Variants in GGN observed in about 807,000 individuals in gnomAD.
GGN encodes the protein gametogenetin.
In GGN, 27 loss-of-function variants were observed where a neutral mutation model predicts 35.5. The ratio of observed to expected loss-of-function variants is 0.76; its 90% CI spans 0.56 to 1.05. The LOEUF is 1.05. Ranked by LOEUF, GGN falls within the 50% of genes least tolerant of loss-of-function variation. The probability of loss-of-function intolerance (pLI) is 0.00; values close to 1 mark genes in which losing one functional copy is unlikely to be tolerated. For synonymous variants in GGN, 425 were observed against 444.1 expected, an observed-to-expected ratio of 0.96 and a Z score of 0.54; for missense variants, 1,006 against 940.7, an observed-to-expected ratio of 1.07 and a Z score of -0.91.
Position 38,386,051 on chromosome 19 carries a change from C to T in GGN, c.1211G>A (p.Arg404Gln). Residue 404 changes from arginine to glutamine, a missense_variant, in exon 3 of 4, where the codon CGG becomes CAG. Physicochemically the swap from Arg to Gln is conservative, Grantham distance 43. Transcript: ENST00000334928. ...PEQIHSAPGP[R>Q]RPAPALLAPP... ...CGCCAGCAGGGCAGGTGCGGGCCTC[C>T]GGGGCCCGGGAGCTGAGTGTATCTG... is the stretch of plus-strand genomic sequence containing the variant. The T allele has an allele frequency of 1.9e-6, 3 of 1,594,868 alleles. No homozygotes were observed. The highest frequency in any genetic ancestry group is 2.6e-6 in the Non-Finnish European group (3 of 1,171,696).
At chr19:38,388,281 GC>G, upstream of GGN, 2 of 369,294 alleles carry the variant, frequency 5.4e-6, no homozygotes, top group South Asian at 3.0e-4. Flanking sequence ...CCGTGGGCCC[GC>G]CCCTTCGTGA....
rs890622869 is a variant in GGN, at chr19:38,384,372, G to A, written c.*40C>T. On this transcript the variant is annotated 3_prime_UTR_variant, in exon 4 of 4. Coordinates refer to ENST00000334928, the MANE Select transcript of GGN (RefSeq NM_152657.4). ...TGGCATCTGGATTGGTTATTTTATT[G>A]GCATGGAGGGGAAGGTGGAGGGTGT... 1.4e-6 allele frequency: 2 copies of A among 1,420,390 alleles called. No individual in the cohort carries two copies. The highest frequency in any genetic ancestry group is 2.0e-6 in the Non-Finnish European group (2 of 1,005,648). The allele number at this position is 1,420,390 out of a possible 1,614,324, so 88.0% of individuals were successfully genotyped here. A position where few individuals can be genotyped will look rare whatever the true frequency, so the allele number is the denominator to read the frequency against.
At chr19:38,385,228 C>T (rs191786084) in intron 3 of GGN, among the ~76,000 whole-genome samples, 193 bp downstream of exon 3, 1 of 152,324 alleles carries the variant, frequency 6.6e-6, no homozygotes, top group Non-Finnish European at 1.5e-5. Context: ...CCAGGGTGTC[C>T]CCCTTTCCCC....
In GGN at chr19:38,385,561, G is replaced by A; in HGVS notation, c.1701C>T (p.Ser567=). Residue 567 remains serine (S), a synonymous_variant, in exon 3 of 4, where the codon AGC becomes AGT. Transcript: ENST00000334928. ...TAGCTGCCCCAGTCTGAGAGGCCCC[G>A]CTGCCACCACCCCCTCCACCACTGC... ...PDSSGGGGGG[S]GASQTGAANT... is the part of the protein sequence containing the mutation. 2 of 1,614,056 alleles carry A rather than the reference G, an allele frequency of 1.2e-6. No homozygotes were observed. The highest frequency in any genetic ancestry group is 1.7e-6 in the Non-Finnish European group (2 of 1,180,002).
At position 38,387,308 on chromosome 19, in the gene GGN, C is replaced by G; in HGVS notation, c.-19-28G>C. On this transcript the variant is annotated intron_variant, in intron 2 of 3. Transcript: ENST00000334928. This position sits in a 1 kb window ranked among gnomAD's most constrained non-coding sequence, Gnocchi z 5.3. ...AGTCAGAAAAATTTACTCCAGTCAG[C>G]CTGCCAGGGCCGTGGGGACCCTACG... is the stretch of plus-strand genomic sequence containing the variant. The G allele has an allele frequency of 6.6e-7, 1 of 1,520,192 alleles. No individual in the cohort carries two copies. The allele number at this position is 1,520,192 out of a possible 1,614,324, so 94.2% of individuals were successfully genotyped here.
At chr19:38,388,296 A>G, upstream of GGN, 3 of 377,034 alleles carry the variant, frequency 8.0e-6, no homozygotes, top group Non-Finnish European at 1.4e-5. Context: ...TTCGTGACGC[A>G]CGCACTAGTC....
chr19:38,387,619 T>G lies in GGN; in HGVS notation c.-20+142A>C. ...TCTAGAGCACCTGGGTCCCGCCCTC[T>G]TCCCAGGCAGGGGCAGATCCTCAGG... On this transcript the variant is annotated intron_variant, in intron 2 of 3. Transcript: ENST00000334928. This position sits in a 1 kb window ranked among gnomAD's most constrained non-coding sequence, Gnocchi z 5.3. The G allele has an allele frequency of 1.2e-5, 3 of 256,494 alleles. No homozygotes were observed. The highest frequency in any genetic ancestry group is 8.5e-5 in the East Asian group (1 of 11,704). 15.9% of individuals were successfully genotyped at this position (256,494 alleles called of 1,614,324 possible).
Position 38,386,817 on chromosome 19 carries a change from G to A in GGN, c.445C>T (p.Arg149Trp), listed in dbSNP as rs769429696. Residue 149 changes from arginine (R) to tryptophan (W), a missense_variant, in exon 3 of 4, where the codon CGG (arginine) becomes TGG (tryptophan). Physicochemically the swap from Arg to Trp is moderately radical, Grantham distance 101. Coordinates refer to ENST00000334928, the MANE Select transcript of GGN (RefSeq NM_152657.4). ...LRPLKPPPPP[R>W]QLSVKDTVPR... The stretch of plus-strand genomic sequence containing the variant: ...ACAGTGTCCTTCACGGATAGTTGCC[G>A]GGGCGGCGGCGGCGGCTTCAGCGGG... The A allele has an allele frequency of 3.1e-6, 5 of 1,608,910 alleles. No homozygotes were observed. The East Asian group carries it at 9.0e-5, about 29-fold the overall frequency.
chr19:38,388,169 GCCCCTAAGGCAATTTACC>G (rs1233677468), upstream of GGN: 1 of 168,404 alleles, frequency 5.9e-6, no homozygotes, highest in Admixed American at 6.6e-5. Flanking sequence ...CATCTGCCCC[GCCCCTAAGGCAATTTACC>G]TCTAAGCTCC....
rs1421805881 is a variant in GGN at position 38,386,794 on chromosome 19, AGT to A, written c.466_467del (p.Thr156CysfsTer24). 1 of 1,610,756 alleles carries A rather than the reference AGT, an allele frequency of 6.2e-7. No homozygotes were observed. The highest frequency in any genetic ancestry group is 1.7e-5 in the Admixed American group (1 of 59,758). The stretch of plus-strand genomic sequence containing the variant: ...GAAATTGGGATGGGGCCCTCGGGAC[AGT>A]GTCCTTCACGGATAGTTGCCGGGGC... ...PPPRQLSVKD[T>X]VPRAPSQFPP... On this transcript the variant is annotated frameshift_variant, in exon 3 of 4. Coordinates refer to ENST00000334928, the MANE Select transcript of GGN (RefSeq NM_152657.4). LOFTEE classifies it high-confidence loss of function.
At position 38,385,913 on chromosome 19, in the gene GGN, TGCAGTGTGGGCG is replaced by T; in HGVS notation, c.1337_1348del (p.Pro446_Leu449del). On this transcript the variant is annotated inframe_deletion, in exon 3 of 4. Coordinates refer to ENST00000334928, the MANE Select transcript of GGN (RefSeq NM_152657.4). ...CGGCGTTGGCTGGAGCGCTGGTGGCTGCAGTGTGGGCGGCGGTGTGGGCGGTGGCAGCGGTGG... is the reference window on the plus strand; with the variant it reads ...CGGCGTTGGCTGGAGCGCTGGTGGCTGCGGTGTGGGCGGTGGCAGCGGTGG... 6.4e-7 allele frequency: 1 copy of T among 1,569,172 alleles called. No individual in the cohort carries two copies. The highest frequency in any genetic ancestry group is 8.6e-7 in the Non-Finnish European group (1 of 1,159,296).
chr19:38,386,457 C>T lies in GGN; in HGVS notation c.805G>A (p.Gly269Arg). 6.2e-7 allele frequency: 1 copy of T among 1,612,910 alleles called. No individual in the cohort carries two copies. Among genetic ancestry groups the T allele is most frequent in the Non-Finnish European group, 8.5e-7 (1 of 1,180,000 alleles). ...AAGAGGCCGCCGCCTCCGCCGCCCC[C>T]CAGCGAAGCTTTGGCTGCTAAGGAA... The part of the protein sequence containing the change: ...SSSLAAKASL[G>R]GGGGGGLFAA... Residue 269 changes from glycine to arginine, a missense_variant, in exon 3 of 4, where the codon GGG (glycine) becomes AGG (arginine). Gly to Arg is a moderately radical substitution (Grantham distance 125, BLOSUM62 -2). Transcript: ENST00000334928.
chr19:38,388,285 C>T (rs962915077), upstream of GGN: 3 of 378,398 alleles, frequency 7.9e-6, no homozygotes, highest in African/African-American at 6.2e-5. Flanking sequence ...GGGCCCGCCC[C>T]TTCGTGACGC....
chr19:38,386,714 G>T lies in GGN; in HGVS notation c.548C>A (p.Pro183Gln). The change falls in exon 3 of 4, where the codon CCG (proline) becomes CAG (glutamine). Residue 183 changes from proline to glutamine, a missense_variant. By Grantham distance (76) the Pro-to-Gln change is moderately conservative (BLOSUM62 -1). Transcript: ENST00000334928. Reference sequence around the variant, plus strand: ...AGCAGGAGTGATTCTGCGGTCCGCCGGCTGCCGTTCAGAAGGTAATGGTGG... The same window carrying T: ...AGCAGGAGTGATTCTGCGGTCCGCCTGCTGCCGTTCAGAAGGTAATGGTGG... ...PPPPLPSERQ[P>Q]ADRRITPALA... 1 of 1,606,774 alleles carries T rather than the reference G, an allele frequency of 6.2e-7. No homozygotes were observed. The highest frequency in any genetic ancestry group is 1.7e-5 in the Admixed American group (1 of 59,474).
Position 38,387,249 on chromosome 19 carries a change from G to T in GGN, c.13C>A (p.Gln5Lys), listed in dbSNP as rs1312871534. 5.0e-6 allele frequency: 8 copies of T among 1,594,880 alleles called. No individual in the cohort carries two copies. The highest frequency in any genetic ancestry group is 6.0e-6 in the Non-Finnish European group (7 of 1,172,344). The change falls in exon 3 of 4, where the codon CAG becomes AAG. Residue 5 changes from glutamine to lysine, a missense_variant. Gln to Lys is a moderately conservative substitution (Grantham distance 53). Coordinates refer to ENST00000334928, the MANE Select transcript of GGN (RefSeq NM_152657.4). The surrounding 1 kb of genome is among the most constrained non-coding windows in gnomAD (Gnocchi z 5.3). MGNL[Q>K]SEPSAGGGSR... is the part of the protein sequence containing the mutation. ...CCCCCGCCCGCGGATGGCTCCGACT[G>T]CAAGTTCCCCATTTCTGACGGAGCT...
rs1970753657 is a variant in GGN at position 38,387,450 on chromosome 19, C to T, written c.-19-170G>A. Among the ~76,000 whole-genome samples, 1 of 152,118 alleles carries T rather than the reference C, an allele frequency of 6.6e-6. No homozygotes were observed. The highest frequency in any genetic ancestry group is 1.5e-5 in the Non-Finnish European group (1 of 68,010). The stretch of plus-strand genomic sequence containing the variant: ...GTTCCCCGACCTTCGACACTCACGC[C>T]TTCTTGCCCATGTCCCCAACACAGC... On this transcript the variant is annotated intron_variant, in intron 2 of 3. Coordinates refer to ENST00000334928, the MANE Select transcript of GGN (RefSeq NM_152657.4). This position sits in a 1 kb window ranked among gnomAD's most constrained non-coding sequence, Gnocchi z 5.3.
rs1970752448 is a variant in GGN at position 38,387,373 on chromosome 19, C to T, written c.-19-93G>A. The T allele has an allele frequency of 6.9e-7, 1 of 1,439,812 alleles. No individual in the cohort carries two copies. The highest frequency in any genetic ancestry group is 9.1e-7 in the Non-Finnish European group (1 of 1,099,870). The allele number at this position is 1,439,812 out of a possible 1,614,324, so 89.2% of individuals were successfully genotyped here. On this transcript the variant is annotated intron_variant, in intron 2 of 3. Coordinates refer to ENST00000334928, the MANE Select transcript of GGN (RefSeq NM_152657.4). This position sits in a 1 kb window ranked among gnomAD's most constrained non-coding sequence, Gnocchi z 5.3. Reference sequence around the variant, plus strand: ...TGATCTAATGCGTCCGCACCGGCCCCGCCCCTGTTCTCCAAGATCCGATCA... The same window carrying T: ...TGATCTAATGCGTCCGCACCGGCCCTGCCCCTGTTCTCCAAGATCCGATCA...
At chr19:38,384,572 C>G in intron 3 of GGN, 43 bp from the exon 4 acceptor site, 1 of 1,461,508 alleles carries the variant, frequency 6.8e-7, no homozygotes, top group Non-Finnish European at 9.6e-7. Context: ...GCAATGGGAC[C>G]AGGCCTCTAG....
At position 38,387,426 on chromosome 19, in the gene GGN, T is replaced by G; in HGVS notation, c.-19-146A>C. On this transcript the variant is annotated intron_variant, in intron 2 of 3. Coordinates refer to ENST00000334928, the MANE Select transcript of GGN (RefSeq NM_152657.4). The surrounding 1 kb of genome is among the most constrained non-coding windows in gnomAD (Gnocchi z 5.3). ...CCCAAGTCCTTAGGTCGCACTCCTG[T>G]TCCCCGACCTTCGACACTCACGCCT... 7.6e-7 allele frequency: 1 copy of G among 1,318,312 alleles called. No homozygotes were observed. Among genetic ancestry groups the G allele is most frequent in the Non-Finnish European group, 1.0e-6 (1 of 993,744 alleles). 81.7% of individuals were successfully genotyped at this position (1,318,312 alleles called of 1,614,324 possible). A position where few individuals can be genotyped will look rare whatever the true frequency, so the allele number is the denominator to read the frequency against.
Sources: allele counts gnomAD v4.1 joint callset (sites outside exome capture counted in the v4.1 genomes callset), GRCh38; gene constraint gnomAD v4.1.1; non-coding constraint Gnocchi (gnomAD v3.1); transcripts MANE v1.5; gene names NCBI Gene and HGNC (gene_info 2026-07-23, HGNC 2026-07-21).